Variants in MGA observed in about 807,000 individuals in gnomAD.
MGA encodes the protein MAX gene-associated protein.
In MGA, 40 loss-of-function variants were observed where a neutral mutation model predicts 261.1. That is an observed-to-expected ratio of 0.15 (90% CI 0.12 to 0.20). MGA has a LOEUF of 0.20. Among genes scored for constraint, MGA ranks in the 10% least tolerant of loss-of-function variants. The probability of loss-of-function intolerance (pLI) is 1.00; values close to 1 mark genes in which losing one functional copy is unlikely to be tolerated. For missense variants in MGA, 3,397 were observed against 3,630.5 expected, an observed-to-expected ratio of 0.94 and a Z score of 1.65; for synonymous variants, 1,302 against 1,290.6, an observed-to-expected ratio of 1.01 and a Z score of -0.19.
intron 2 of MGA, among the ~76,000 whole-genome samples, chr15:41,684,908 T>C (rs922018941): frequency 3.3e-5 from 5 of 152,106 alleles, no homozygotes; most frequent in African/African-American, 1.2e-4. Flanking sequence ...TAAAAACAGA[T>C]AAAGGGAAAC....
At chr15:41,668,804 G>C in intron 1 of MGA, 24 bp from the exon 2 acceptor site, 1 of 984,604 alleles carries the variant, frequency 1.0e-6, no homozygotes, top group Non-Finnish European at 1.5e-6. Context: ...TTTTGTTTTT[G>C]GTTTTTTTTT....
chr15:41,655,388 A>G (rs2057145418), intron 1 of MGA, among the ~76,000 whole-genome samples: 1 of 151,904 alleles, frequency 6.6e-6, no homozygotes, highest in Non-Finnish European at 1.5e-5. Context: ...GGCAAGGCTG[A>G]TCTCGAACTC....
intron 1 of MGA, chr15:41,621,486 A>C (rs1457828948): frequency 6.6e-6 from 1 of 152,074 alleles, no homozygotes; most frequent in African/African-American, 2.4e-5. Flanking sequence ...CCAGCACGTG[A>C]CCCGAACTGG....
At chr15:41,762,857 A>G (rs1022894461) in intron 22 of MGA, among the ~76,000 whole-genome samples, 4 of 152,086 alleles carry the variant, frequency 2.6e-5, no homozygotes, top group African/African-American at 9.7e-5. Context: ...TCTGGTTGTA[A>G]TACACACTCA....
At chr15:41,699,228 T>C in intron 5 of MGA, 69 bp downstream of exon 5, 1 of 1,009,240 alleles carries the variant, frequency 9.9e-7, no homozygotes, top group Non-Finnish European at 1.4e-6. Flanking sequence ...TCTCCTCTTT[T>C]TCCTCTCTCT....
At position 41,742,722 on chromosome 15, in the gene MGA, C is replaced by T. The variant is rs368677841; in HGVS notation, c.4762C>T (p.Gln1588Ter). Reference sequence around the variant, plus strand: ...ACCTGTGGTTTCTTCTGAGCCAGTTCAGGTGTGCAGCCCTGTGACTGCTGC... The same window carrying T: ...ACCTGTGGTTTCTTCTGAGCCAGTTTAGGTGTGCAGCCCTGTGACTGCTGC... Residue 1588 changes from glutamine to a stop codon, truncating the protein, a stop_gained, in exon 15 of 24, where the codon CAG (glutamine) becomes TAG (stop). Coordinates refer to ENST00000219905, the MANE Select transcript of MGA (RefSeq NM_001164273.2). LOFTEE classifies it high-confidence loss of function. 1 of 1,613,898 alleles carries T rather than the reference C, an allele frequency of 6.2e-7. No homozygotes were observed. The highest frequency in any genetic ancestry group is 8.5e-7 in the Non-Finnish European group (1 of 1,179,900).
At chr15:41,665,096 A>G (rs190752370) in intron 1 of MGA, among the ~76,000 whole-genome samples, 2 of 152,334 alleles carry the variant, frequency 1.3e-5, no homozygotes, top group African/African-American at 4.8e-5. Flanking sequence ...AAAAATATCT[A>G]TTATCTGTAG....
chr15:41,629,570 A>G (rs1198490033), intron 1 of MGA, among the ~76,000 whole-genome samples: 1 of 146,634 alleles, frequency 6.8e-6, no homozygotes, highest in Non-Finnish European at 1.5e-5. Flanking sequence ...CTCTATAAAG[A>G]AAAAAAAAAA....
intron 2 of MGA, among the ~76,000 whole-genome samples, chr15:41,683,576 ATTT>A (rs538776351): frequency 1.6e-5 from 2 of 126,908 alleles, no homozygotes; most frequent in African/African-American, 2.9e-5. Flanking sequence ...TGAATCCCCA[ATTT>A]TTTTTTTTTT....
rs1428175801 is a variant in MGA at position 41,769,801 on chromosome 15, T to A, written c.*2521T>A. On this transcript the variant is annotated 3_prime_UTR_variant, in exon 24 of 24. Coordinates refer to ENST00000219905, the MANE Select transcript of MGA (RefSeq NM_001164273.2). The stretch of plus-strand genomic sequence containing the variant: ...TAATTATGTCAGATTTAGCATTTTC[T>A]TTTATATATTAAATATATATATCTT... 2 of 152,608 alleles carry A rather than the reference T, an allele frequency of 1.3e-5. No homozygotes were observed. 9.5% of individuals were successfully genotyped at this position (152,608 alleles called of 1,614,324 possible). A position where few individuals can be genotyped will look rare whatever the true frequency, so the allele number is the denominator to read the frequency against.
chr15:41,646,449 G>T (rs1233206004), intron 1 of MGA, among the ~76,000 whole-genome samples: 1 of 151,736 alleles, frequency 6.6e-6, no homozygotes, highest in Non-Finnish European at 1.5e-5. Flanking sequence ...GAGTTCAAGT[G>T]ATTCTCATGC....
chr15:41,724,929 G>A (rs2061149474), intron 9 of MGA, among the ~76,000 whole-genome samples: 1 of 152,106 alleles, frequency 6.6e-6, no homozygotes, highest in South Asian at 2.1e-4. Flanking sequence ...AATGTTCAGA[G>A]CAAATATACT....
chr15:41,750,003 C>A lies in MGA; in HGVS notation c.6396C>A (p.Val2132=). The A allele has an allele frequency of 6.2e-7, 1 of 1,612,444 alleles. No homozygotes were observed. Among genetic ancestry groups the A allele is most frequent in the South Asian group, 1.1e-5 (1 of 90,824 alleles). The change falls in exon 17 of 24, where the codon GTC becomes GTA. Residue 2132 remains valine (V), a synonymous_variant. Coordinates refer to ENST00000219905, the MANE Select transcript of MGA (RefSeq NM_001164273.2). ...AAGAAAACTCAAGTGAATTTCCAGT[C>A]ACCTTTAAGGAAGAAAGTAAATTTG...
At chr15:41,632,581 A>G (rs945825409) in intron 1 of MGA, among the ~76,000 whole-genome samples, 3 of 152,300 alleles carry the variant, frequency 2.0e-5, no homozygotes, top group South Asian at 2.1e-4. Context: ...AAGCCCTCCA[A>G]TCAGACCTTG....
intron 2 of MGA, among the ~76,000 whole-genome samples, chr15:41,688,502 G>A (rs1014708421): frequency 2.0e-5 from 3 of 151,998 alleles, no homozygotes; most frequent in African/African-American, 7.2e-5. Context: ...TTTACATTGC[G>A]ACTCTTTTAA....
rs1297957550 is a variant in MGA, at chr15:41,769,178, T to A, written c.*1898T>A. On this transcript the variant is annotated 3_prime_UTR_variant, in exon 24 of 24. Coordinates refer to ENST00000219905, the MANE Select transcript of MGA (RefSeq NM_001164273.2). Reference sequence around the variant, plus strand: ...TTCCCGTTATTTTCTTGCTTGTCGTTCCCCTACATTTCCTCCTGATTTCCC... The same window carrying A: ...TTCCCGTTATTTTCTTGCTTGTCGTACCCCTACATTTCCTCCTGATTTCCC... 1 of 152,606 alleles carries A rather than the reference T, an allele frequency of 6.6e-6. No homozygotes were observed. The highest frequency in any genetic ancestry group is 1.5e-5 in the Non-Finnish European group (1 of 68,050). The allele number at this position is 152,606 out of a possible 1,614,324, so 9.5% of individuals were successfully genotyped here. A position where few individuals can be genotyped will look rare whatever the true frequency, so the allele number is the denominator to read the frequency against.
At chr15:41,664,028 A>G (rs1268045760) in intron 1 of MGA, among the ~76,000 whole-genome samples, 1 of 152,214 alleles carries the variant, frequency 6.6e-6, no homozygotes, top group African/African-American at 2.4e-5. Flanking sequence ...ATGTTCTTAA[A>G]CCAGTAGCTG....
At chr15:41,676,997 G>A (rs1359188604) in intron 2 of MGA, among the ~76,000 whole-genome samples, 1 of 152,136 alleles carries the variant, frequency 6.6e-6, no homozygotes, top group Non-Finnish European at 1.5e-5. Flanking sequence ...GACTTACGGG[G>A]ATTATGTTCC....
In MGA at chr15:41,661,768, G is replaced by C. The variant is rs111821039; in HGVS notation, c.-68+1243G>C. ...TCGTTCTTTTTGGGCACGATGCCGCGGCTAGGCTGCAGGGAAAGTGCCTGG... is the reference window on the plus strand; with the variant it reads ...TCGTTCTTTTTGGGCACGATGCCGCCGCTAGGCTGCAGGGAAAGTGCCTGG... On this transcript the variant is annotated intron_variant, in intron 1 of 23. Transcript: ENST00000219905. 6.9e-3 allele frequency among the ~76,000 whole-genome samples: 1,052 copies of C among 152,212 alleles called. 12 individuals are homozygous for C. The highest frequency in any genetic ancestry group is 0.024 in the African/African-American group (1,004 of 41,526).
Sources: allele counts gnomAD v4.1 joint callset (sites outside exome capture counted in the v4.1 genomes callset), GRCh38; gene constraint gnomAD v4.1.1; transcripts MANE v1.5; gene names NCBI Gene and HGNC (gene_info 2026-07-23, HGNC 2026-07-21).